Variants in COL14A1 observed in about 807,000 individuals in gnomAD.
COL14A1 encodes the protein collagen alpha-1(XIV) chain.
A neutral mutation model predicts 230.3 loss-of-function variants in COL14A1; 136 were observed. The observed-to-expected ratio is 0.59, with a 90% confidence interval of 0.51 to 0.68. The LOEUF is 0.68. Ranked by LOEUF, COL14A1 falls within the 30% of genes least tolerant of loss-of-function variation. COL14A1 has a pLI of 0.00. For synonymous variants in COL14A1, 792 were observed against 784.1 expected (o/e 1.01, Z -0.17); for missense variants, 1,976 against 2,215.8 (o/e 0.89, Z 2.17).
intron 17 of COL14A1, among the ~76,000 whole-genome samples, chr8:120,227,611 T>A (rs1173641008): frequency 2.0e-5 from 3 of 152,206 alleles, no homozygotes; most frequent in Admixed American, 2.0e-4. Context: ...AGCACAGTAC[T>A]TGGCACATGT....
At chr8:120,331,805 A>T (rs1311029163) in intron 40 of COL14A1, among the ~76,000 whole-genome samples, 1 of 152,232 alleles carries the variant, frequency 6.6e-6, no homozygotes, top group Non-Finnish European at 1.5e-5. Context: ...ATACTAATTC[A>T]TCTTTTCATC....
chr8:120,150,774 G>GTA (rs1439604953), intron 2 of COL14A1, among the ~76,000 whole-genome samples: 1 of 152,098 alleles, frequency 6.6e-6, no homozygotes, highest in Non-Finnish European at 1.5e-5. Context: ...GAGATGGCTG[G>GTA]TAGGCAGTTG....
Position 120,287,572 on chromosome 8 carries a change from T to G in COL14A1, c.4077+1602T>G, listed in dbSNP as rs1820242462. On this transcript the variant is annotated intron_variant, in intron 33 of 47. Coordinates refer to ENST00000297848, the MANE Select transcript of COL14A1 (RefSeq NM_021110.4). ...ATCCTTTGTAAGTCTTAGGTGAAGGTTAAGCTTTATTTCCTTACCAGAAGA... is the reference window on the plus strand; with the variant it reads ...ATCCTTTGTAAGTCTTAGGTGAAGGGTAAGCTTTATTTCCTTACCAGAAGA... Among the ~76,000 whole-genome samples the G allele has an allele frequency of 2.6e-5, 4 of 152,340 alleles. No individual in the cohort carries two copies. In the East Asian group the frequency reaches 5.8e-4, roughly 22 times the overall value.
chr8:120,201,368 GCA>G (rs966133265), intron 8 of COL14A1, among the ~76,000 whole-genome samples: 1 of 152,072 alleles, frequency 6.6e-6, no homozygotes, highest in Non-Finnish European at 1.5e-5. Context: ...AGCCAATTGT[GCA>G]CACCTTTTCC....
chr8:120,350,189 G>C (rs1822697536), intron 45 of COL14A1, among the ~76,000 whole-genome samples: 1 of 152,142 alleles, frequency 6.6e-6, no homozygotes, highest in Admixed American at 6.5e-5. Flanking sequence ...CAAATGCTGA[G>C]AGATTTTGTC....
intron 1 of COL14A1, among the ~76,000 whole-genome samples, chr8:120,129,805 C>T (rs180924026): frequency 1.9e-4 from 29 of 152,264 alleles, no homozygotes; most frequent in Admixed American, 9.2e-4. Flanking sequence ...TCATTAACTG[C>T]GAGCTGTACA....
At chr8:120,231,255 G>A (rs965537361) in intron 18 of COL14A1, among the ~76,000 whole-genome samples, 1 of 152,118 alleles carries the variant, frequency 6.6e-6, no homozygotes, top group African/African-American at 2.4e-5. Flanking sequence ...GTCTCATCTT[G>A]TAAGCATCTC....
intron 23 of COL14A1, among the ~76,000 whole-genome samples, chr8:120,255,720 T>C (rs1819126036): frequency 6.6e-6 from 1 of 152,128 alleles, no homozygotes; most frequent in Non-Finnish European, 1.5e-5. Context: ...TAAAATTATA[T>C]TGTACTCTAA....
At chr8:120,283,286 GA>G (rs1820095589) in intron 31 of COL14A1, among the ~76,000 whole-genome samples, 1 of 152,164 alleles carries the variant, frequency 6.6e-6, no homozygotes, top group Non-Finnish European at 1.5e-5. Context: ...TTTATTACAT[GA>G]AAACCTTTGA....
At chr8:120,342,078 C>T (rs902705833) in intron 43 of COL14A1, among the ~76,000 whole-genome samples, 3 of 152,166 alleles carry the variant, frequency 2.0e-5, no homozygotes, top group African/African-American at 7.2e-5. Flanking sequence ...CTCTAAAGAG[C>T]TATATATCAC....
At chr8:120,261,398 A>C (rs1166673285) in intron 23 of COL14A1, among the ~76,000 whole-genome samples, 2 of 152,248 alleles carry the variant, frequency 1.3e-5, no homozygotes, top group Non-Finnish European at 2.9e-5. Context: ...TGCCTGGCAC[A>C]TGATAAGCAC....
intron 22 of COL14A1, among the ~76,000 whole-genome samples, chr8:120,252,071 A>G (rs1477879984): frequency 1.3e-5 from 2 of 152,092 alleles, no homozygotes; most frequent in African/African-American, 2.4e-5. Flanking sequence ...TAGATCTGCA[A>G]TCTTCAATGT....
At chr8:120,176,873 T>C (rs2130620184) in intron 5 of COL14A1, among the ~76,000 whole-genome samples, 1 of 152,232 alleles carries the variant, frequency 6.6e-6, no homozygotes, top group African/African-American at 2.4e-5. Context: ...CCTCCCACTT[T>C]CTCCTCCTTA....
At chr8:120,243,320 T>C (rs1322473823) in intron 19 of COL14A1, among the ~76,000 whole-genome samples, 2 of 152,314 alleles carry the variant, frequency 1.3e-5, no homozygotes, top group Non-Finnish European at 2.9e-5. Context: ...ATAAAAAAGC[T>C]GCACCGTTTT....
rs903247030 is a variant in COL14A1 at position 120,167,249 on chromosome 8, G to A, written c.350-912G>A. ...GAGGAGGATGTGATAAAGACAGGAT[G>A]AATGGAACAATATCCTGGAGAAGGC... On this transcript the variant is annotated intron_variant, in intron 4 of 47. Transcript: ENST00000297848. Among the ~76,000 whole-genome samples the A allele has an allele frequency of 6.6e-5, 10 of 152,260 alleles. No homozygotes were observed. In the South Asian group the frequency reaches 2.1e-3, roughly 32 times the overall value.
intron 40 of COL14A1, among the ~76,000 whole-genome samples, chr8:120,323,090 C>T (rs1169980077): frequency 1.3e-5 from 2 of 152,108 alleles, no homozygotes; most frequent in Admixed American, 6.6e-5. Context: ...TTGTTTTTAA[C>T]TTTTTAATAA....
At chr8:120,238,792 T>G (rs936038750) in intron 19 of COL14A1, among the ~76,000 whole-genome samples, 2 of 152,120 alleles carry the variant, frequency 1.3e-5, no homozygotes, top group Non-Finnish European at 2.9e-5. Flanking sequence ...GGGAAAAGCA[T>G]AGTATCTGGG....
intron 19 of COL14A1, among the ~76,000 whole-genome samples, chr8:120,233,403 C>G (rs1818342010): frequency 6.6e-6 from 1 of 151,984 alleles, no homozygotes; most frequent in Non-Finnish European, 1.5e-5. Context: ...GGTTTTATGT[C>G]TTATGTTTAA....
intron 23 of COL14A1, among the ~76,000 whole-genome samples, chr8:120,259,391 AT>A (rs919011924): frequency 6.6e-6 from 1 of 152,212 alleles, no homozygotes; most frequent in African/African-American, 2.4e-5. Flanking sequence ...ATAAAGACAG[AT>A]TTTTTCCCTG....
Sources: gnomAD v4.1 joint callset for allele counts (sites outside exome capture counted in the v4.1 genomes callset) on GRCh38, gnomAD v4.1.1 for gene constraint, MANE v1.5 for transcripts, NCBI Gene and HGNC (gene_info 2026-07-23, HGNC 2026-07-21) for gene names.